Variants in TGM6 observed in about 807,000 individuals in gnomAD.
TGM6 encodes the protein protein-glutamine gamma-glutamyltransferase 6.
TGM6 carries 74 observed loss-of-function variants against 77.5 expected under a neutral mutation model. That is an observed-to-expected ratio of 0.96 (90% CI 0.79 to 1.16). TGM6 has a LOEUF of 1.16. Among genes scored for constraint, TGM6 ranks in the 50% most tolerant of loss-of-function variants. The probability of loss-of-function intolerance (pLI) is 0.00; values close to 1 mark genes in which losing one functional copy is unlikely to be tolerated. For missense variants in TGM6, 968 were observed against 940.2 expected (o/e 1.03, Z -0.39); for synonymous variants, 383 against 378.9 (o/e 1.01, Z -0.12).
chr20:2,392,989 A>ATT (rs1431485682), intron 1 of TGM6, among the ~76,000 whole-genome samples: 18 of 152,202 alleles, frequency 1.2e-4, no homozygotes, highest in African/African-American at 4.3e-4. Context: ...CCTCATAACC[A>ATT]TTGAGCCATA....
chr20:2,405,810 G>T (rs1054930045), intron 9 of TGM6, among the ~76,000 whole-genome samples: 3 of 152,172 alleles, frequency 2.0e-5, no homozygotes, highest in Non-Finnish European at 2.9e-5. Context: ...CCACTCCAAG[G>T]CTGGGAACTG....
intron 1 of TGM6, among the ~76,000 whole-genome samples, chr20:2,382,947 C>A (rs971791968): frequency 6.6e-6 from 1 of 152,154 alleles, no homozygotes; most frequent in Non-Finnish European, 1.5e-5. Flanking sequence ...AATCATCTTT[C>A]AGCTCAGAGA....
intron 10 of TGM6, among the ~76,000 whole-genome samples, chr20:2,429,653 C>A (rs999048301): frequency 2.0e-5 from 3 of 151,924 alleles, no homozygotes; most frequent in Admixed American, 2.0e-4. Flanking sequence ...CCTGTAGTCC[C>A]AGCTACTCAA....
chr20:2,406,831 C>CAAAAAAAAAAA (rs3050731), intron 9 of TGM6, among the ~76,000 whole-genome samples: 18 of 63,708 alleles, frequency 2.8e-4, no homozygotes, highest in Non-Finnish European at 3.3e-4. Flanking sequence ...CGAAACTCCT[C>CAAAAAAAAAAA]AAAAAAAAAA....
chr20:2,381,004 A>G lies in TGM6; in HGVS notation c.7+29A>G, dbSNP rs41301752. Reference sequence around the variant, plus strand: ...AGTGGGCAGAGCCTGGGGCCTTGGGACACCAGGGCTCATGAGGGGGGCTTC... The same window carrying G: ...AGTGGGCAGAGCCTGGGGCCTTGGGGCACCAGGGCTCATGAGGGGGGCTTC... On this transcript the variant is annotated intron_variant, in intron 1 of 12. Transcript: ENST00000202625. 14,001 of 1,607,664 alleles carry G rather than the reference A, an allele frequency of 8.7e-3. 71 individuals carry two copies. The highest frequency in any genetic ancestry group is 0.01 in the Non-Finnish European group (12,053 of 1,178,006).
At chr20:2,430,776 G>T (rs2084918776) in intron 11 of TGM6, 118 bp from the exon 12 acceptor site, 2 of 1,594,196 alleles carry the variant, frequency 1.3e-6, no homozygotes, top group Non-Finnish European at 1.7e-6. Flanking sequence ...CAGCAATGGG[G>T]TATATGGAGG....
At chr20:2,426,710 G>A (rs1276580946) in intron 10 of TGM6, among the ~76,000 whole-genome samples, 2 of 152,072 alleles carry the variant, frequency 1.3e-5, no homozygotes, top group Non-Finnish European at 2.9e-5. Context: ...AGTTTGCTGA[G>A]AGCTTTATCA....
intron 1 of TGM6, among the ~76,000 whole-genome samples, chr20:2,388,624 C>CAAA (rs11442124): frequency 6.8e-4 from 100 of 148,120 alleles, no homozygotes; most frequent in Admixed American, 1.6e-3. Flanking sequence ...AACAAACAAA[C>CAAA]AAACAAAAAA....
intron 10 of TGM6, among the ~76,000 whole-genome samples, chr20:2,420,067 A>T (rs571796139): frequency 6.6e-6 from 1 of 152,232 alleles, no homozygotes; most frequent in Non-Finnish European, 1.5e-5. Context: ...ACACAGTGAA[A>T]CCCCATCTCT....
At chr20:2,392,228 A>G (rs918626594) in intron 1 of TGM6, among the ~76,000 whole-genome samples, 6 of 152,194 alleles carry the variant, frequency 3.9e-5, no homozygotes, top group Non-Finnish European at 7.4e-5. Flanking sequence ...CACAATGCCC[A>G]GCACGTGAAT....
intron 9 of TGM6, among the ~76,000 whole-genome samples, chr20:2,410,423 G>A (rs4441546): frequency 0.15 from 23,322 of 152,034 alleles, 1,940 homozygotes; most frequent in East Asian, 0.25. Context: ...CTCCCACTTG[G>A]CTCTTCCAGA....
At chr20:2,400,558 G>GA (rs2084701140) in intron 7 of TGM6, 114 bp downstream of exon 7, 1 of 1,496,716 alleles carries the variant, frequency 6.7e-7, no homozygotes, top group Admixed American at 1.8e-5. Flanking sequence ...CAGCTCTCCT[G>GA]AATCTGAGCC....
rs1218266631 is a variant in TGM6 at position 2,417,416 on chromosome 20, G to A, written c.1521G>A (p.Leu507=). The change falls in exon 10 of 13, where the codon CTG becomes CTA. Residue 507 remains leucine, a synonymous_variant. Coordinates refer to ENST00000202625, the MANE Select transcript of TGM6 (RefSeq NM_198994.3). ...TCAAGGTGCTAGAGCCTCCCATGCT[G>A]GGCCACGACCTGAGACTGGCCCTGT... ...GKFKVLEPPM[L]GHDLRLALCL... 1.4e-5 allele frequency: 22 copies of A among 1,613,080 alleles called. No individual in the cohort carries two copies. The highest frequency in any genetic ancestry group is 1.7e-5 in the Non-Finnish European group (20 of 1,180,038).
intron 1 of TGM6, among the ~76,000 whole-genome samples, chr20:2,388,628 C>CAAA (rs551263948): frequency 6.7e-6 from 1 of 149,844 alleles, no homozygotes; most frequent in South Asian, 2.1e-4. Context: ...AACAAACAAA[C>CAAA]AAAAAAAAAC....
Position 2,430,987 on chromosome 20 carries a change from G to A in TGM6, c.1927G>A (p.Val643Met), listed in dbSNP as rs367580304. 2.5e-6 allele frequency: 4 copies of A among 1,613,998 alleles called. No homozygotes were observed. Among genetic ancestry groups the A allele is most frequent in the African/African-American group, 2.7e-5 (2 of 74,882 alleles). The change falls in exon 12 of 13, where the codon GTG becomes ATG. Residue 643 changes from valine (V) to methionine (M), a missense_variant. Physicochemically the swap from Val to Met is conservative, Grantham distance 21. Coordinates refer to ENST00000202625, the MANE Select transcript of TGM6 (RefSeq NM_198994.3). The stretch of plus-strand genomic sequence containing the variant: ...GAGAGTGAAGGACTGTGCGCTGATG[G>A]TGGAGGGCAGCGGCCTTCTCCAGGA... ...IERVKDCALM[V>M]EGSGLLQEQL...
At chr20:2,418,567 G>C (rs2084834105) in intron 10 of TGM6, among the ~76,000 whole-genome samples, 1 of 152,180 alleles carries the variant, frequency 6.6e-6, no homozygotes, top group Non-Finnish European at 1.5e-5. Context: ...TCAAAGCCAG[G>C]AACGTTGACC....
At position 2,430,644 on chromosome 20, in the gene TGM6, A is replaced by G. The variant is rs753527989; in HGVS notation, c.1833+44A>G. ...TACCATGCTGTTCCTAGTGGCACCC[A>G]CTCCCCAGAGCTGGGGGAGGGCGTC... is the stretch of plus-strand genomic sequence containing the variant. On this transcript the variant is annotated intron_variant, in intron 11 of 12. Transcript: ENST00000202625. The G allele has an allele frequency of 4.3e-6, 7 of 1,612,268 alleles. 1 individual carries two copies. The South Asian group carries it at 7.7e-5, about 18-fold the overall frequency.
At chr20:2,407,932 G>A (rs2084762721) in intron 9 of TGM6, among the ~76,000 whole-genome samples, 1 of 152,196 alleles carries the variant, frequency 6.6e-6, no homozygotes, top group East Asian at 1.9e-4. Context: ...GAATAATTCG[G>A]AGTGACTGGC....
At chr20:2,396,434 T>C (rs2084667736) in intron 3 of TGM6, 72 bp from the exon 4 acceptor site, 6 of 1,483,274 alleles carry the variant, frequency 4.0e-6, no homozygotes, top group Non-Finnish European at 4.7e-6. Context: ...TGCTGATCCC[T>C]GATGCAGCCC....
Sources: gnomAD v4.1 joint callset for allele counts (sites outside exome capture counted in the v4.1 genomes callset) on GRCh38, gnomAD v4.1.1 for gene constraint, MANE v1.5 for transcripts, NCBI Gene and HGNC (gene_info 2026-07-23, HGNC 2026-07-21) for gene names.